The following SLCO6A1 variants were observed in gnomAD, a reference collection of about 807,000 sequenced individuals.
SLCO6A1 encodes the protein cancer/testis antigen 48.
SLCO6A1 carries 65 observed loss-of-function variants against 72.7 expected under a neutral mutation model. That is an observed-to-expected ratio of 0.89 (90% CI 0.73 to 1.10). The LOEUF is 1.10. Among genes scored for constraint, SLCO6A1 ranks in the 50% least tolerant of loss-of-function variants. The probability of loss-of-function intolerance (pLI) is 0.00; values close to 1 mark genes in which losing one functional copy is unlikely to be tolerated. For missense variants in SLCO6A1, 874 were observed against 872.6 expected (o/e 1.00, Z -0.02); for synonymous variants, 314 against 298.2 (o/e 1.05, Z -0.55).
chr5:102,496,072 T>C (rs535881598), intron 1 of SLCO6A1, among the ~76,000 whole-genome samples: 30 of 152,312 alleles, frequency 2.0e-4, no homozygotes, highest in African/African-American at 6.7e-4. Context: ...AATTGGATGA[T>C]AGTATTGTAC....
intron 4 of SLCO6A1, among the ~76,000 whole-genome samples, chr5:102,462,505 A>G (rs1438853914): frequency 6.6e-6 from 1 of 152,248 alleles, no homozygotes; most frequent in African/African-American, 2.4e-5. Flanking sequence ...GGCTATAGTC[A>G]GCAAAGCAGC....
At chr5:102,412,783 A>G (rs1293965830) in intron 9 of SLCO6A1, among the ~76,000 whole-genome samples, 1 of 152,034 alleles carries the variant, frequency 6.6e-6, no homozygotes, top group Non-Finnish European at 1.5e-5. Flanking sequence ...CACACCAAAA[A>G]AAAAAAACAA....
At chr5:102,487,771 A>T (rs1408033907) in intron 1 of SLCO6A1, among the ~76,000 whole-genome samples, 1 of 152,206 alleles carries the variant, frequency 6.6e-6, no homozygotes, top group African/African-American at 2.4e-5. Flanking sequence ...TGCACATCAC[A>T]CTGTCCCTGA....
At chr5:102,448,771 C>T (rs1367665768) in intron 6 of SLCO6A1, among the ~76,000 whole-genome samples, 4 of 152,056 alleles carry the variant, frequency 2.6e-5, no homozygotes, top group East Asian at 1.9e-4. Context: ...TCCTTGCATG[C>T]GAGATGGGTC....
At chr5:102,431,576 T>C (rs1253808208) in intron 7 of SLCO6A1, among the ~76,000 whole-genome samples, 1 of 152,208 alleles carries the variant, frequency 6.6e-6, no homozygotes, top group Non-Finnish European at 1.5e-5. Flanking sequence ...TCTATTTTTA[T>C]TGTGCTGGGG....
intron 7 of SLCO6A1, among the ~76,000 whole-genome samples, chr5:102,434,995 A>T (rs1395576079): frequency 1.3e-5 from 2 of 152,154 alleles, no homozygotes; most frequent in Non-Finnish European, 2.9e-5. Context: ...GCAGTACATA[A>T]TTTCTTGTTT....
chr5:102,467,343 T>C (rs1017048673), intron 4 of SLCO6A1, among the ~76,000 whole-genome samples: 2 of 152,000 alleles, frequency 1.3e-5, no homozygotes, highest in African/African-American at 2.4e-5. Flanking sequence ...AGTCCAGGAA[T>C]TGAGGCTTTA....
At chr5:102,431,937 T>G (rs1291223704) in intron 7 of SLCO6A1, among the ~76,000 whole-genome samples, 1 of 152,216 alleles carries the variant, frequency 6.6e-6, no homozygotes, top group Non-Finnish European at 1.5e-5. Flanking sequence ...GCAGATATAT[T>G]TAGGATAGTT....
chr5:102,491,507 G>A (rs958359593), intron 1 of SLCO6A1, among the ~76,000 whole-genome samples: 4 of 152,218 alleles, frequency 2.6e-5, no homozygotes, highest in Non-Finnish European at 4.4e-5. Flanking sequence ...CTCAGGCATG[G>A]CAGGCTGCAG....
intron 7 of SLCO6A1, among the ~76,000 whole-genome samples, chr5:102,421,747 T>C (rs888212664): frequency 2.6e-5 from 4 of 152,122 alleles, no homozygotes; most frequent in African/African-American, 9.7e-5. Context: ...GCAGCACATC[T>C]CCCAGCACAA....
chr5:102,439,139 A>T (rs1230982017), intron 6 of SLCO6A1, among the ~76,000 whole-genome samples: 1 of 152,006 alleles, frequency 6.6e-6, no homozygotes, highest in East Asian at 1.9e-4. Flanking sequence ...TATTTTTTTA[A>T]GCAAGTCTTT....
intron 7 of SLCO6A1, among the ~76,000 whole-genome samples, chr5:102,428,901 T>C (rs1226058228): frequency 6.6e-6 from 1 of 152,178 alleles, no homozygotes; most frequent in African/African-American, 2.4e-5. Flanking sequence ...CTGAACTAAT[T>C]TACACTCCCA....
chr5:102,385,950 C>A (rs1413293544), intron 12 of SLCO6A1, among the ~76,000 whole-genome samples: 3 of 151,112 alleles, frequency 2.0e-5, no homozygotes, highest in African/African-American at 7.3e-5. Flanking sequence ...GCTGGAATTA[C>A]AAATACACAA....
At chr5:102,473,065 C>T (rs1052554572) in intron 4 of SLCO6A1, among the ~76,000 whole-genome samples, 19 of 151,978 alleles carry the variant, frequency 1.3e-4, no homozygotes, top group African/African-American at 4.3e-4. Flanking sequence ...TAAGAATTAA[C>T]AATAATCCTT....
intron 4 of SLCO6A1, among the ~76,000 whole-genome samples, chr5:102,460,069 C>CTT (rs34866526): frequency 3.3e-5 from 5 of 151,668 alleles, no homozygotes; most frequent in South Asian, 2.1e-4. Context: ...TCCTATTTAA[C>CTT]TTTTTTTTAT....
At chr5:102,380,116 T>C (rs1468609879) in intron 12 of SLCO6A1, among the ~76,000 whole-genome samples, 1 of 152,010 alleles carries the variant, frequency 6.6e-6, no homozygotes, top group Non-Finnish European at 1.5e-5. Context: ...TTGTGTTCCC[T>C]GATATGGGTG....
intron 7 of SLCO6A1, among the ~76,000 whole-genome samples, chr5:102,434,127 G>T (rs1446768891): frequency 6.6e-6 from 1 of 151,846 alleles, no homozygotes; most frequent in East Asian, 1.9e-4. Flanking sequence ...AAAACTTTCT[G>T]TATATCTTGC....
At chr5:102,390,932 C>A in intron 11 of SLCO6A1, 49 bp downstream of exon 11, 1 of 1,459,036 alleles carries the variant, frequency 6.9e-7, no homozygotes, top group Admixed American at 1.7e-5. Flanking sequence ...GACATATATA[C>A]ATATCAAAAA....
chr5:102,494,200 A>G (rs1459247725), intron 1 of SLCO6A1, among the ~76,000 whole-genome samples: 1 of 152,158 alleles, frequency 6.6e-6, no homozygotes. Flanking sequence ...TTTTCAATAA[A>G]CTATACTGGA....
Sources: allele counts gnomAD v4.1 joint callset (sites outside exome capture counted in the v4.1 genomes callset), GRCh38; gene constraint gnomAD v4.1.1; transcripts MANE v1.5; gene names NCBI Gene and HGNC (gene_info 2026-07-23, HGNC 2026-07-21).